PM20D2: variants seen among roughly 807,000 people sequenced by gnomAD.
PM20D2 encodes the protein xaa-Arg dipeptidase.
In PM20D2, 33 loss-of-function variants were observed where a neutral mutation model predicts 42.9. That is an observed-to-expected ratio of 0.77 (90% CI 0.58 to 1.03). The LOEUF (loss-of-function observed/expected upper bound fraction) is 1.03, where lower values mean the gene tolerates loss of function less well. Ranked by LOEUF, PM20D2 falls within the 50% of genes least tolerant of loss-of-function variation. The pLI is 0.00. For synonymous variants in PM20D2, 250 were observed against 228.2 expected, an observed-to-expected ratio of 1.10 and a Z score of -0.86; for missense variants, 548 against 557.0, an observed-to-expected ratio of 0.98 and a Z score of 0.16.
At chr6:89,120,877 GTAAA>G in the PM20D2 span, among the ~76,000 whole-genome samples, 38 of 152,196 alleles carry the variant, frequency 2.5e-4, no homozygotes, top group Non-Finnish European at 5.0e-4. Context: ...GACCCTGTCT[GTAAA>G]TAAATAAATA....
chr6:89,096,580 T>C, the PM20D2 span: 21 of 152,310 alleles, frequency 1.4e-4, no homozygotes, highest in African/African-American at 4.6e-4. Flanking sequence ...GGATTAAATA[T>C]GTTCAGGAAT....
the PM20D2 span, among the ~76,000 whole-genome samples, chr6:89,104,544 A>T: frequency 1.1e-4 from 17 of 150,648 alleles, no homozygotes; most frequent in Non-Finnish European, 2.1e-4. Flanking sequence ...CTGAGTATGT[A>T]TTTTTTTTTA....
the PM20D2 span, among the ~76,000 whole-genome samples, chr6:89,116,936 C>T: frequency 6.6e-6 from 1 of 152,102 alleles, no homozygotes; most frequent in Non-Finnish European, 1.5e-5. Context: ...TTTCCGCTCT[C>T]CCTTATGTAC....
At chr6:89,114,321 G>A in the PM20D2 span, among the ~76,000 whole-genome samples, 3 of 152,204 alleles carry the variant, frequency 2.0e-5, no homozygotes, top group Admixed American at 1.3e-4. Flanking sequence ...CCAGCTACTC[G>A]GGAGGCTGAG....
chr6:89,118,499 T>TG, the PM20D2 span, among the ~76,000 whole-genome samples: 1 of 152,076 alleles, frequency 6.6e-6, no homozygotes, highest in Admixed American at 6.5e-5. Context: ...TTTGTTTTTT[T>TG]AATAGAGACG....
At chr6:89,130,819 C>CCTTT in the PM20D2 span, among the ~76,000 whole-genome samples, 4 of 24,036 alleles carry the variant, frequency 1.7e-4, no homozygotes, top group African/African-American at 5.7e-4. Context: ...GCTTCTTCTT[C>CCTTT]TTTTTTTTTT....
rs367765354 is a variant in PM20D2 at position 89,162,296 on chromosome 6, C to T, written c.*33C>T. The T allele has an allele frequency of 2.9e-5, 45 of 1,561,756 alleles. 1 individual carries two copies. The highest frequency in any genetic ancestry group is 3.6e-5 in the Non-Finnish European group (42 of 1,154,568). ...AGGGGCCACTTATAAATCAAGAAGACGTGATGATTTTTTTCTTTTAATCTC... is the reference window on the plus strand; with the variant it reads ...AGGGGCCACTTATAAATCAAGAAGATGTGATGATTTTTTTCTTTTAATCTC... On this transcript the variant is annotated 3_prime_UTR_variant, in exon 7 of 7. Transcript: ENST00000275072.
intron 2 of PM20D2, 64 bp from the exon 3 acceptor site, chr6:89,152,979 A>G (rs1000403892): frequency 1.0e-5 from 14 of 1,366,156 alleles, no homozygotes; most frequent in Admixed American, 2.3e-5. Context: ...AATTCTGACT[A>G]CCTGGATTTT....
At chr6:89,139,388 C>T in the PM20D2 span, among the ~76,000 whole-genome samples, 1 of 152,062 alleles carries the variant, frequency 6.6e-6, no homozygotes, top group Non-Finnish European at 1.5e-5. Context: ...TTTTTGTATT[C>T]TTTTGGAGAG....
At chr6:89,107,848 A>T in the PM20D2 span, among the ~76,000 whole-genome samples, 1 of 152,160 alleles carries the variant, frequency 6.6e-6, no homozygotes, top group East Asian at 1.9e-4. Flanking sequence ...CTTTACAAGC[A>T]CTCCAGGTGG....
the PM20D2 span, chr6:89,096,231 AG>A: frequency 2.0e-5 from 3 of 152,240 alleles, no homozygotes; most frequent in Admixed American, 2.0e-4. Context: ...CAAAAGACAT[AG>A]GAACAGCAGT....
At chr6:89,132,885 G>A in the PM20D2 span, among the ~76,000 whole-genome samples, 3 of 150,286 alleles carry the variant, frequency 2.0e-5, no homozygotes, top group Non-Finnish European at 4.4e-5. Context: ...TCTTCAAAAG[G>A]AATTTTAATC....
the PM20D2 span, among the ~76,000 whole-genome samples, chr6:89,108,316 C>A: frequency 6.6e-6 from 1 of 152,328 alleles, no homozygotes; most frequent in East Asian, 1.9e-4. Flanking sequence ...TTAATTCTTA[C>A]AATTTCCCTG....
At chr6:89,158,993 T>G (rs544228672) in intron 5 of PM20D2, among the ~76,000 whole-genome samples, 8 of 152,246 alleles carry the variant, frequency 5.3e-5, no homozygotes, top group African/African-American at 1.9e-4. Context: ...CAAAAGGACT[T>G]GGTGGTGAAA....
chr6:89,155,097 A>G (rs765516456), intron 4 of PM20D2, among the ~76,000 whole-genome samples, 195 bp downstream of exon 4: 1 of 152,102 alleles, frequency 6.6e-6, no homozygotes, highest in Non-Finnish European at 1.5e-5. Flanking sequence ...AGGGAAGATG[A>G]CAGGTCATCT....
chr6:89,141,617 C>T (rs963907274), upstream of PM20D2, among the ~76,000 whole-genome samples: 2 of 152,272 alleles, frequency 1.3e-5, no homozygotes, highest in Middle Eastern at 3.4e-3. Flanking sequence ...TCGCCCATCT[C>T]GGCCTCCCAA....
chr6:89,146,199 G>C lies in PM20D2; in HGVS notation c.55G>C (p.Glu19Gln), dbSNP rs1770536463. ...AGGGGGCGCGTGCAATGGCCGCTCC[G>C]AGCTGGAGCTACTGAAGCTGCGCTC... ...VEGGACNGRS[E>Q]LELLKLRSAE... Residue 19 changes from glutamate (E) to glutamine (Q), a missense_variant, in exon 1 of 7, where the codon GAG becomes CAG. Glu to Gln is a conservative substitution (Grantham distance 29). Around this residue, in one of 3 missense-constraint regions of PM20D2, gnomAD observed 470 missense variants for 464.4 expected, o/e 1.01. Transcript: ENST00000275072. The C allele has an allele frequency of 1.3e-6, 2 of 1,560,694 alleles. No homozygotes were observed. Among genetic ancestry groups the C allele is most frequent in the Admixed American group, 3.5e-5 (2 of 56,844 alleles).
the PM20D2 span, among the ~76,000 whole-genome samples, chr6:89,131,509 A>G: frequency 1.4e-5 from 2 of 145,868 alleles, no homozygotes; most frequent in Non-Finnish European, 3.0e-5. Context: ...GCAACATAAC[A>G]AGACCCTGTC....
At chr6:89,107,540 G>A in the PM20D2 span, among the ~76,000 whole-genome samples, 3 of 152,022 alleles carry the variant, frequency 2.0e-5, no homozygotes, top group Middle Eastern at 3.2e-3. Context: ...GACCAGCCTG[G>A]GCAACATGGT....
Sources: gnomAD v4.1 joint callset for allele counts (sites outside exome capture counted in the v4.1 genomes callset) on GRCh38, gnomAD v4.1.1 for gene constraint, gnomAD v4.1.1 regional missense constraint, MANE v1.5 for transcripts, NCBI Gene and HGNC (gene_info 2026-07-23, HGNC 2026-07-21) for gene names.